PCDH11X: variants seen among roughly 807,000 people sequenced by gnomAD.
PCDH11X encodes protocadherin-11 X-linked.
A neutral mutation model predicts 53.3 loss-of-function variants in PCDH11X; 18 were observed. The ratio of observed to expected loss-of-function variants is 0.34; its 90% confidence interval spans 0.23 to 0.50. The LOEUF (loss-of-function observed/expected upper bound fraction) is 0.50. Among genes scored for constraint, PCDH11X ranks in the 20% least tolerant of loss-of-function variants. The probability of loss-of-function intolerance (pLI) is 0.98; values close to 1 mark genes in which losing one functional copy is unlikely to be tolerated. For synonymous variants in PCDH11X, 279 were observed against 393.3 expected, an observed-to-expected ratio of 0.71 and a Z score of 3.44; for missense variants, 570 against 1,032.4, an observed-to-expected ratio of 0.55 and a Z score of 6.14.
At chrX:91,829,696 T>C (rs1172135291) in intron 4 of PCDH11X, among the ~76,000 whole-genome samples, 2 of 111,506 alleles carry the variant, frequency 1.8e-5, no homozygotes, top group Admixed American at 9.7e-5. Flanking sequence ...TAAAATGTGA[T>C]CATCTAGAGA....
intron 6 of PCDH11X, among the ~76,000 whole-genome samples, chrX:92,039,823 G>T (rs2063183767): frequency 9.1e-6 from 1 of 110,109 alleles, no homozygotes; most frequent in African/African-American, 3.3e-5. Context: ...AATGTGCTGG[G>T]TCTCACCTGA....
chrX:92,569,529 TA>T (rs1197156060), intron 10 of PCDH11X, among the ~76,000 whole-genome samples: 1 of 110,806 alleles, frequency 9.0e-6, no homozygotes. Context: ...TAATCATTGC[TA>T]AAATGGTGGT....
chrX:91,909,771 T>A (rs1941311660), intron 6 of PCDH11X, among the ~76,000 whole-genome samples: 1 of 110,777 alleles, frequency 9.0e-6, no homozygotes, highest in African/African-American at 3.3e-5. Flanking sequence ...GTTGTCTGAT[T>A]TTTTTCTCGG....
At chrX:92,587,476 T>A (rs1049436780) in intron 10 of PCDH11X, among the ~76,000 whole-genome samples, 1 of 109,503 alleles carries the variant, frequency 9.1e-6, no homozygotes, top group Non-Finnish European at 1.9e-5. Flanking sequence ...AAAATGTGAT[T>A]TAATAGATAG....
chrX:92,412,625 G>A (rs1422799946), intron 9 of PCDH11X, among the ~76,000 whole-genome samples: 24 of 100,595 alleles, frequency 2.4e-4, no homozygotes, highest in African/African-American at 8.2e-4. Flanking sequence ...CACACTCTTG[G>A]AGTTTATCTT....
intron 6 of PCDH11X, among the ~76,000 whole-genome samples, chrX:92,137,802 G>A (rs1421764859): frequency 9.2e-5 from 10 of 108,882 alleles, no homozygotes; most frequent in Non-Finnish European, 1.9e-4. Context: ...TATAATATGT[G>A]ATATTTTGTT....
chrX:92,570,925 GA>G (rs1922135270), intron 10 of PCDH11X, among the ~76,000 whole-genome samples: 1 of 110,224 alleles, frequency 9.1e-6, no homozygotes, highest in African/African-American at 3.4e-5. Flanking sequence ...TAAGAAGAGA[GA>G]AAAAAGAATA....
chrX:92,207,717 T>G (rs2066500811), intron 7 of PCDH11X, among the ~76,000 whole-genome samples: 1 of 111,737 alleles, frequency 8.9e-6, no homozygotes, highest in Non-Finnish European at 1.9e-5. Flanking sequence ...ATGGACTTAT[T>G]GTTTGACTTT....
chrX:92,278,744 G>T (rs996555137), intron 8 of PCDH11X, among the ~76,000 whole-genome samples: 1 of 109,599 alleles, frequency 9.1e-6, no homozygotes. Flanking sequence ...GGTCATATCC[G>T]TGCAAGTCAC....
intron 10 of PCDH11X, among the ~76,000 whole-genome samples, chrX:92,512,192 C>A (rs2074173243): frequency 3.7e-5 from 4 of 109,355 alleles, no homozygotes; most frequent in African/African-American, 1.3e-4. Context: ...AAGGCACCAG[C>A]ATATTAATGC....
chrX:92,497,592 T>G (rs1192459278), intron 10 of PCDH11X, among the ~76,000 whole-genome samples: 1 of 111,073 alleles, frequency 9.0e-6, no homozygotes, highest in African/African-American at 3.3e-5. Context: ...AAGTGACTAT[T>G]TTTAAAATAT....
At chrX:92,179,645 G>A (rs758601629) in intron 6 of PCDH11X, among the ~76,000 whole-genome samples, 10 of 111,935 alleles carry the variant, frequency 8.9e-5, no homozygotes, top group South Asian at 3.7e-4. Context: ...ATTTCTTTGC[G>A]TATAATTTAC....
chrX:91,824,490 T>G (rs1364767427), intron 4 of PCDH11X, among the ~76,000 whole-genome samples: 1 of 111,465 alleles, frequency 9.0e-6, no homozygotes, highest in Non-Finnish European at 1.9e-5. Context: ...TTCTGCATTC[T>G]TCACGTATTT....
rs372607078 is a variant in PCDH11X, at chrX:92,405,529, G to C, written c.3343+17596G>C. 1.5e-4 allele frequency among the ~76,000 whole-genome samples: 17 copies of C among 109,788 alleles called. No individual in the cohort carries two copies. In the East Asian group the frequency reaches 4.7e-3, roughly 30 times the overall value. On this transcript the variant is annotated intron_variant, in intron 9 of 10. Coordinates refer to ENST00000682573, the MANE Select transcript of PCDH11X (RefSeq NM_032968.5). ...TGAGTTCATCAGTCATATAGACAAA[G>C]CTTTAGTTGTATTTTTTTTAAAAGT...
At chrX:92,067,699 C>T (rs1380276572) in intron 6 of PCDH11X, among the ~76,000 whole-genome samples, 3 of 111,650 alleles carry the variant, frequency 2.7e-5, no homozygotes, top group African/African-American at 9.8e-5. Flanking sequence ...GCAACAGTCC[C>T]TCTTCCTCTA....
At chrX:91,824,965 G>T (rs1414556446) in intron 4 of PCDH11X, among the ~76,000 whole-genome samples, 1 of 109,335 alleles carries the variant, frequency 9.1e-6, no homozygotes, top group Non-Finnish European at 1.9e-5. Flanking sequence ...CTGCTGGGGG[G>T]TGCCTCCCAG....
At chrX:91,871,705 A>T (rs1364315005) in intron 5 of PCDH11X, among the ~76,000 whole-genome samples, 1 of 111,135 alleles carries the variant, frequency 9.0e-6, no homozygotes, top group Non-Finnish European at 1.9e-5. Context: ...TCAATTTTTT[A>T]AAAGAAAAAA....
intron 10 of PCDH11X, among the ~76,000 whole-genome samples, chrX:92,481,439 G>T (rs944222681): frequency 2.6e-4 from 29 of 111,408 alleles, no homozygotes; most frequent in African/African-American, 9.2e-4. Flanking sequence ...GAGGGAGGGT[G>T]TGAGCTAGTG....
rs2064559230 is a variant in PCDH11X at position 92,113,244 on chromosome X, A to G, written c.3034-88131A>G. 9.2e-6 allele frequency: 11 copies of G among 1,192,839 alleles called. No homozygotes were observed. In the South Asian group the frequency reaches 1.6e-4, roughly 18 times the overall value. ...GGGCTGGGTGGCAGGACAGCCCCTC[A>G]GATGAGGTCAGCAACATTGGGGGCA... On this transcript the variant is annotated intron_variant, in intron 6 of 10. Transcript: ENST00000682573.
Sources: gnomAD v4.1 joint callset for allele counts (sites outside exome capture counted in the v4.1 genomes callset) on GRCh38, gnomAD v4.1.1 for gene constraint, MANE v1.5 for transcripts, NCBI Gene and HGNC (gene_info 2026-07-23, HGNC 2026-07-21) for gene names.